BCL9: variants seen among roughly 807,000 people sequenced by gnomAD.
The protein encoded by BCL9 is BCL9 transcription coactivator, also known as B-cell CLL/lymphoma 9 protein.
In BCL9, 25 loss-of-function variants were observed where a neutral mutation model predicts 88.5. The observed-to-expected ratio is 0.28, with a 90% CI of 0.21 to 0.39. The LOEUF (loss-of-function observed/expected upper bound fraction) is 0.39. Ranked by LOEUF, BCL9 falls within the 10% of genes least tolerant of loss-of-function variation. The pLI is 1.00. For synonymous variants in BCL9, 711 were observed against 673.3 expected (o/e 1.06, Z -0.87); for missense variants, 1,817 against 1,877.8 (o/e 0.97, Z 0.60).
chr1:147,624,467 C>T lies in BCL9; in HGVS notation c.3789C>T (p.Pro1263=). The T allele has an allele frequency of 5.0e-6, 8 of 1,614,190 alleles. No individual in the cohort carries two copies. The highest frequency in any genetic ancestry group is 5.9e-6 in the Non-Finnish European group (7 of 1,180,024). Residue 1263 remains proline (P), a synonymous_variant, in exon 10 of 10, where the codon CCC becomes CCT. Coordinates refer to ENST00000234739, the MANE Select transcript of BCL9 (RefSeq NM_004326.4). This position sits in a 1 kb window ranked among gnomAD's most constrained non-coding sequence, Gnocchi z 4.4. The part of the protein sequence containing the change: ...PRGEVPGRKQ[P]QGPGPGFSHM... ...GGGAAGTTCCAGGCCGTAAACAGCC[C>T]CAGGGTCCTGGACCTGGGTTTTCAC...
chr1:147,608,470 C>G (rs2101603093), intron 3 of BCL9, among the ~76,000 whole-genome samples: 1 of 151,510 alleles, frequency 6.6e-6, no homozygotes, highest in East Asian at 1.9e-4. Flanking sequence ...GCTTAGTCCA[C>G]CTGTGGCTGG....
intron 1 of BCL9, among the ~76,000 whole-genome samples, chr1:147,548,373 C>T (rs1365507754): frequency 1.3e-5 from 2 of 152,212 alleles, no homozygotes; most frequent in Admixed American, 6.5e-5. Flanking sequence ...CCAGTGCCCA[C>T]GTTGCTGTCT....
Position 147,625,624 on chromosome 1 carries a change from C to CTCTT in BCL9, c.*666_*669dup, listed in dbSNP as rs1658905031. The CTCTT allele has an allele frequency of 4.4e-6, 1 of 225,644 alleles. No homozygotes were observed. Among genetic ancestry groups the CTCTT allele is most frequent in the Admixed American group, 5.7e-5 (1 of 17,446 alleles). The allele number at this position is 225,644 out of a possible 1,614,324, so 14.0% of individuals were successfully genotyped here. A position where few individuals can be genotyped will look rare whatever the true frequency, so the allele number is the denominator to read the frequency against. On this transcript the variant is annotated 3_prime_UTR_variant, in exon 10 of 10. Coordinates refer to ENST00000234739, the MANE Select transcript of BCL9 (RefSeq NM_004326.4). Reference sequence around the variant, plus strand: ...AGATTTTTCTTTTGAAAAATAATGACTCTTAGGACATTTGTTTTTCAGTTC... The same window carrying CTCTT: ...AGATTTTTCTTTTGAAAAATAATGACTCTTTCTTAGGACATTTGTTTTTCAGTTC...
chr1:147,549,896 A>C (rs1654808190), intron 1 of BCL9, among the ~76,000 whole-genome samples: 2 of 152,044 alleles, frequency 1.3e-5, no homozygotes, highest in South Asian at 4.1e-4. Flanking sequence ...AACCACTCTC[A>C]ATCTCATAGG....
chr1:147,584,190 G>A (rs1257763915), intron 1 of BCL9, among the ~76,000 whole-genome samples: 2 of 151,900 alleles, frequency 1.3e-5, no homozygotes, highest in African/African-American at 4.8e-5. Context: ...TGGGATTACA[G>A]GCGCACGCCA....
chr1:147,546,119 G>A (rs896919653), intron 1 of BCL9, among the ~76,000 whole-genome samples: 7 of 152,054 alleles, frequency 4.6e-5, no homozygotes, highest in South Asian at 4.1e-4. Flanking sequence ...GGCGGATCAC[G>A]AGGTCAGGAG....
chr1:147,581,790 T>C (rs1266112817), intron 1 of BCL9, among the ~76,000 whole-genome samples: 1 of 152,232 alleles, frequency 6.6e-6, no homozygotes, highest in Non-Finnish European at 1.5e-5. Context: ...TTCTATTGCC[T>C]GAGTCTGTTT....
At chr1:147,592,131 G>A (rs1466796619) in intron 1 of BCL9, among the ~76,000 whole-genome samples, 1 of 152,184 alleles carries the variant, frequency 6.6e-6, no homozygotes, top group East Asian at 1.9e-4. Flanking sequence ...CAATGACTGT[G>A]AATCAAGAGT....
At chr1:147,614,400 C>G (rs1553203310) in intron 5 of BCL9, 27 bp from the exon 6 acceptor site, 1 of 1,607,220 alleles carries the variant, frequency 6.2e-7, no homozygotes, top group South Asian at 1.1e-5. Context: ...TTTATTCTTT[C>G]TGTGACGAGT....
At chr1:147,564,694 C>T (rs782629441) in intron 1 of BCL9, among the ~76,000 whole-genome samples, 7 of 152,052 alleles carry the variant, frequency 4.6e-5, no homozygotes, top group Non-Finnish European at 1.0e-4. Flanking sequence ...CATTACAAAA[C>T]GAGGGTCTAT....
At chr1:147,542,347 T>C (rs1267973109) in intron 1 of BCL9, among the ~76,000 whole-genome samples, 2 of 152,212 alleles carry the variant, frequency 1.3e-5, no homozygotes, top group Non-Finnish European at 2.9e-5. Flanking sequence ...CCTCTGGTCG[T>C]AGAGACTGTT....
intron 1 of BCL9, among the ~76,000 whole-genome samples, chr1:147,548,351 T>G (rs1340980548): frequency 6.6e-6 from 1 of 152,216 alleles, no homozygotes; most frequent in African/African-American, 2.4e-5. Context: ...ATTCAGGACT[T>G]TAACTCCTGT....
intron 1 of BCL9, among the ~76,000 whole-genome samples, chr1:147,576,250 T>C (rs1356006882): frequency 6.6e-6 from 1 of 152,138 alleles, no homozygotes; most frequent in Non-Finnish European, 1.5e-5. Flanking sequence ...GCACAAAGTA[T>C]AAAATTCACA....
rs587771541 is a variant in BCL9, at chr1:147,603,652, C to A, written c.-477-1125C>A. 7.4e-5 allele frequency among the ~76,000 whole-genome samples: 11 copies of A among 148,488 alleles called. No individual in the cohort carries two copies. In the South Asian group the frequency reaches 2.2e-3, roughly 30 times the overall value. On this transcript the variant is annotated intron_variant, in intron 1 of 9. Transcript: ENST00000234739. ...AAGTAGCTGGGATTACAGGTACACG[C>A]TACCATGCCCAGCTAATTTTTGTAA...
intron 1 of BCL9, among the ~76,000 whole-genome samples, chr1:147,583,543 G>A (rs182557229): frequency 1.2e-4 from 18 of 152,080 alleles, no homozygotes; most frequent in Non-Finnish European, 4.4e-5. Flanking sequence ...CTCCCAAAGT[G>A]CTGGAATTAC....
At chr1:147,570,387 T>C (rs914872430) in intron 1 of BCL9, among the ~76,000 whole-genome samples, 4 of 152,064 alleles carry the variant, frequency 2.6e-5, no homozygotes, top group Non-Finnish European at 5.9e-5. Flanking sequence ...CACAAAGAGG[T>C]TGGGCAAGAT....
At chr1:147,600,692 CT>C (rs1187685803) in intron 1 of BCL9, among the ~76,000 whole-genome samples, 2 of 151,762 alleles carry the variant, frequency 1.3e-5, no homozygotes, top group East Asian at 1.9e-4. Flanking sequence ...AGATGGAGAG[CT>C]AAATAAGGGA....
intron 3 of BCL9, among the ~76,000 whole-genome samples, chr1:147,608,330 C>CCTT (rs1263835484): frequency 3.0e-5 from 3 of 101,058 alleles, no homozygotes; most frequent in Admixed American, 1.3e-4. Flanking sequence ...TTTTGTTTTG[C>CCTT]TTTTTTTTTT....
intron 1 of BCL9, among the ~76,000 whole-genome samples, chr1:147,603,629 G>GTAGC (rs1238149814): frequency 6.6e-6 from 1 of 152,078 alleles, no homozygotes; most frequent in Admixed American, 6.6e-5. Flanking sequence ...AGCCTCCCAA[G>GTAGC]TAGCTGGGAT....
Sources: allele counts gnomAD v4.1 joint callset (sites outside exome capture counted in the v4.1 genomes callset), GRCh38; gene constraint gnomAD v4.1.1; non-coding constraint Gnocchi (gnomAD v3.1); transcripts MANE v1.5; gene names NCBI Gene and HGNC (gene_info 2026-07-23, HGNC 2026-07-21).